Variants in TCF4 observed in about 807,000 individuals in gnomAD.
The protein encoded by TCF4 is transcription factor 4, also known as SL3-3 enhancer factor 2.
A neutral mutation model predicts 82.1 loss-of-function variants in TCF4; 3 were observed. That is an observed-to-expected ratio of 0.04 (90% CI 0.02 to 0.09). The LOEUF (loss-of-function observed/expected upper bound fraction) is 0.09, where lower values mean the gene tolerates loss of function less well. TCF4 is among the 10% of genes least tolerant of loss of function. TCF4 has a pLI of 1.00. For synonymous variants in TCF4, 276 were observed against 309.6 expected (o/e 0.89, Z 1.14); for missense variants, 518 against 852.7 (o/e 0.61, Z 4.89).
At chr18:55,631,078 C>A in intron 2 of TCF4, among the ~76,000 whole-genome samples, 1 of 140,708 alleles carries the variant, frequency 7.1e-6, no homozygotes, top group South Asian at 2.3e-4. Context: ...GAAATAGAAT[C>A]TCACTCTGTC....
At chr18:55,477,348 T>C (rs1488458411) in intron 3 of TCF4, among the ~76,000 whole-genome samples, 2 of 152,238 alleles carry the variant, frequency 1.3e-5, no homozygotes. Flanking sequence ...GCATAAGACA[T>C]ACTTTCACCC....
At chr18:55,564,011 T>C (rs1175929949) in intron 3 of TCF4, among the ~76,000 whole-genome samples, 1 of 152,246 alleles carries the variant, frequency 6.6e-6, no homozygotes, top group Non-Finnish European at 1.5e-5. Flanking sequence ...TATGGAATCA[T>C]TTATTAAGCA....
chr18:55,504,617 G>A (rs1003170866), intron 3 of TCF4, among the ~76,000 whole-genome samples: 2 of 152,066 alleles, frequency 1.3e-5, no homozygotes, highest in Non-Finnish European at 2.9e-5. Context: ...CTGTATTGCC[G>A]AACATTGGTA....
At chr18:55,456,459 T>G (rs2095756726) in intron 5 of TCF4, among the ~76,000 whole-genome samples, 2 of 152,188 alleles carry the variant, frequency 1.3e-5, no homozygotes, top group African/African-American at 2.4e-5. Flanking sequence ...TGTAGCCAAA[T>G]GTACAAAAGT....
intron 5 of TCF4, among the ~76,000 whole-genome samples, chr18:55,425,773 T>C (rs1048239165): frequency 1.3e-5 from 2 of 152,190 alleles, no homozygotes; most frequent in Non-Finnish European, 2.9e-5. Flanking sequence ...CTCCTCCCCC[T>C]TCCAATATAA....
intron 3 of TCF4, among the ~76,000 whole-genome samples, chr18:55,529,817 C>T (rs2097038001): frequency 6.6e-6 from 1 of 152,122 alleles, no homozygotes; most frequent in Admixed American, 6.6e-5. Flanking sequence ...AGGAGGAGGA[C>T]ACCAACATTT....
At chr18:55,532,741 C>T (rs1201500509) in intron 3 of TCF4, among the ~76,000 whole-genome samples, 4 of 152,148 alleles carry the variant, frequency 2.6e-5, no homozygotes, top group Non-Finnish European at 5.9e-5. Flanking sequence ...AAGGCAATTC[C>T]TGTCCCTTTA....
intron 16 of TCF4, 67 bp from the exon 17 acceptor site, chr18:55,232,738 G>A: frequency 6.3e-7 from 1 of 1,588,268 alleles, no homozygotes; most frequent in Non-Finnish European, 8.6e-7. Context: ...CAGATTGCAA[G>A]GCTGCCAGCA....
At chr18:55,366,925 A>G (rs8095887) in intron 6 of TCF4, among the ~76,000 whole-genome samples, 46 of 152,350 alleles carry the variant, frequency 3.0e-4, no homozygotes, top group African/African-American at 1.1e-3. Flanking sequence ...AAGCATGATC[A>G]TAACTATTAA....
intron 3 of TCF4, among the ~76,000 whole-genome samples, chr18:55,564,471 T>A (rs1375818815): frequency 6.6e-6 from 1 of 152,208 alleles, no homozygotes; most frequent in Non-Finnish European, 1.5e-5. Flanking sequence ...CAAGAAATGA[T>A]GGTGTCTTGA....
intron 3 of TCF4, among the ~76,000 whole-genome samples, chr18:55,478,004 C>T (rs1181031295): frequency 6.6e-6 from 1 of 152,108 alleles, no homozygotes; most frequent in Admixed American, 6.5e-5. Context: ...AGCTGTAACT[C>T]TTCCTCAGGA....
chr18:55,567,064 C>T (rs1426895124), intron 3 of TCF4, among the ~76,000 whole-genome samples: 1 of 152,022 alleles, frequency 6.6e-6, no homozygotes, highest in Non-Finnish European at 1.5e-5. Flanking sequence ...ATAAAACCAT[C>T]AGAATACTAA....
At chr18:55,565,834 C>G (rs1449808788) in intron 3 of TCF4, among the ~76,000 whole-genome samples, 1 of 151,710 alleles carries the variant, frequency 6.6e-6, no homozygotes, top group African/African-American at 2.4e-5. Context: ...AGGTCACTAT[C>G]TTAGGTGAAA....
chr18:55,593,704 G>A (rs1221435847), intron 2 of TCF4, among the ~76,000 whole-genome samples: 3 of 151,972 alleles, frequency 2.0e-5, no homozygotes, highest in Admixed American at 6.6e-5. Context: ...AGCAAATAGC[G>A]CCACAAACAA....
At chr18:55,375,466 T>C (rs78873686) in intron 6 of TCF4, among the ~76,000 whole-genome samples, 2,382 of 152,256 alleles carry the variant, frequency 0.016, 87 homozygotes, top group African/African-American at 0.053. Context: ...GAAGATTCTT[T>C]GCTCAAGTCA....
chr18:55,582,864 A>C (rs2097588880), intron 3 of TCF4, among the ~76,000 whole-genome samples: 1 of 152,138 alleles, frequency 6.6e-6, no homozygotes, highest in Non-Finnish European at 1.5e-5. Flanking sequence ...AATGGATATT[A>C]ACTTGAGGTA....
intron 5 of TCF4, among the ~76,000 whole-genome samples, chr18:55,456,931 CATT>C (rs2095768243): frequency 6.6e-6 from 1 of 152,136 alleles, no homozygotes; most frequent in East Asian, 1.9e-4. Flanking sequence ...ACATTATAAT[CATT>C]AATAATGATA....
At chr18:55,319,854 A>C (rs981007626) in intron 8 of TCF4, among the ~76,000 whole-genome samples, 2 of 152,190 alleles carry the variant, frequency 1.3e-5, no homozygotes, top group Admixed American at 6.5e-5. Context: ...TACAAAACTT[A>C]AATTAAAATT....
intron 15 of TCF4, among the ~76,000 whole-genome samples, chr18:55,238,989 A>AC (rs1246404771): frequency 1.3e-5 from 2 of 152,320 alleles, no homozygotes; most frequent in Non-Finnish European, 2.9e-5. Context: ...TGTAGTCCAA[A>AC]CACAGGCGGC....
Sources: allele counts gnomAD v4.1 joint callset (sites outside exome capture counted in the v4.1 genomes callset), GRCh38; gene constraint gnomAD v4.1.1; transcripts MANE v1.5; gene names NCBI Gene and HGNC (gene_info 2026-07-23, HGNC 2026-07-21).